Variants in FAM237A observed in about 807,000 individuals in gnomAD.
FAM237A encodes the protein protein FAM237A.
Under a neutral mutation model 12.5 loss-of-function variants are expected in FAM237A, and 14 were observed. The ratio of observed to expected loss-of-function variants is 1.12; its 90% CI spans 0.74 to 1.75. FAM237A has a LOEUF of 1.75. Among genes scored for constraint, FAM237A ranks in the 40% most tolerant of loss-of-function variants. FAM237A has a pLI of 0.00. For missense variants in FAM237A, 240 were observed against 211.7 expected, an observed-to-expected ratio of 1.13 and a Z score of -0.83; for synonymous variants, 85 against 77.5, an observed-to-expected ratio of 1.10 and a Z score of -0.51.
intron 1 of FAM237A, among the ~76,000 whole-genome samples, chr2:206,643,696 G>A (rs963980401): frequency 2.0e-5 from 3 of 151,990 alleles, no homozygotes; most frequent in Admixed American, 6.6e-5. Flanking sequence ...CATACTTTTA[G>A]CACATTGTCT....
intron 1 of FAM237A, chr2:206,643,578 A>T (rs1273086340): frequency 6.6e-6 from 1 of 152,178 alleles, no homozygotes; most frequent in Non-Finnish European, 1.5e-5. Context: ...CATTATCTTT[A>T]TGAAAGTTAT....
chr2:206,648,792 TA>T lies in FAM237A; in HGVS notation c.*1del. On this transcript the variant is annotated frameshift_variant and stop_lost, in exon 3 of 3. Transcript: ENST00000441223. LOFTEE classifies it high-confidence loss of function. ...AGTGAACCTGGAAATAAAGAGAAAA[TA>T]AATTGAACTCGGAGCTAATTCATGC... is the stretch of plus-strand genomic sequence containing the variant. ...GKVNLEIKRK* is the reference protein window; with the variant it reads ...GKVNLEIKRKX 2 of 1,531,652 alleles carry T rather than the reference TA, an allele frequency of 1.3e-6. No homozygotes were observed. The highest frequency in any genetic ancestry group is 1.8e-6 in the Non-Finnish European group (2 of 1,138,106). The allele number at this position is 1,531,652 out of a possible 1,614,324, so 94.9% of individuals were successfully genotyped here. A position where few individuals can be genotyped will look rare whatever the true frequency, so the allele number is the denominator to read the frequency against.
At position 206,644,398 on chromosome 2, in the gene FAM237A, A is replaced by G. The variant is rs371907799; in HGVS notation, c.162A>G (p.Ser54=). The stretch of plus-strand genomic sequence containing the variant: ...ATCCTCAGTGCTGGGAATCCTCCTC[A>G]GTGCTTCTCCTGGAAATGTGGAAAC... ...QADPQCWESS[S]VLLLEMWKPR... is the part of the protein sequence containing the mutation. The change falls in exon 2 of 3, where the codon TCA becomes TCG. Residue 54 remains serine (S), a synonymous_variant. Transcript: ENST00000441223. 5.0e-6 allele frequency: 8 copies of G among 1,613,668 alleles called. No individual in the cohort carries two copies. The African/African-American group carries it at 1.1e-4, about 22-fold the overall frequency.
At chr2:206,647,269 C>T (rs1298150962) in intron 2 of FAM237A, among the ~76,000 whole-genome samples, 1 of 152,032 alleles carries the variant, frequency 6.6e-6, no homozygotes, top group East Asian at 1.9e-4. Context: ...TTCCAATGTA[C>T]TGTGATTCTA....
In FAM237A at chr2:206,642,635, G is replaced by A. The variant is rs1273030345; in HGVS notation, c.-11+53G>A. Reference sequence around the variant, plus strand: ...GTCCCTGGCAGCTCCGCCCTGCGGAGGGTGAGGCTGCGCAATCAAGTGCGG... The same window carrying A: ...GTCCCTGGCAGCTCCGCCCTGCGGAAGGTGAGGCTGCGCAATCAAGTGCGG... On this transcript the variant is annotated intron_variant, in intron 1 of 2. Transcript: ENST00000441223. This position sits in a 1 kb window ranked among gnomAD's most constrained non-coding sequence, Gnocchi z 5.1. 2.0e-5 allele frequency: 3 copies of A among 152,776 alleles called. No homozygotes were observed. Among genetic ancestry groups the A allele is most frequent in the South Asian group, 2.1e-4 (1 of 4,832 alleles). The allele number at this position is 152,776 out of a possible 1,614,324, so 9.5% of individuals were successfully genotyped here. A position where few individuals can be genotyped will look rare whatever the true frequency, so the allele number is the denominator to read the frequency against.
intron 2 of FAM237A, among the ~76,000 whole-genome samples, chr2:206,646,077 C>A (rs545842866): frequency 6.6e-6 from 1 of 151,980 alleles, no homozygotes; most frequent in Admixed American, 6.6e-5. Flanking sequence ...CCAAGGCAGG[C>A]GGAACACGAG....
Position 206,644,234 on chromosome 2 carries a change from G to C in FAM237A, c.-3G>C. Reference sequence around the variant, plus strand: ...TATTTCCATCCTGTGCAGTTTTAGGGCCATGGCTGATCCTGGGAACAGAGG... The same window carrying C: ...TATTTCCATCCTGTGCAGTTTTAGGCCCATGGCTGATCCTGGGAACAGAGG... On this transcript the variant is annotated 5_prime_UTR_variant, in exon 2 of 3. Transcript: ENST00000441223. The C allele has an allele frequency of 6.3e-7, 1 of 1,592,406 alleles. No homozygotes were observed. The highest frequency in any genetic ancestry group is 1.7e-4 in the Middle Eastern group (1 of 5,926).
In FAM237A at chr2:206,644,385, G is replaced by A. The variant is rs1269449706; in HGVS notation, c.149G>A (p.Trp50Ter). 4 of 1,613,614 alleles carry A rather than the reference G, an allele frequency of 2.5e-6. No individual in the cohort carries two copies. The change falls in exon 2 of 3, where the codon TGG (tryptophan) becomes TAG (stop). Residue 50 changes from tryptophan to a stop codon, truncating the protein, a stop_gained. Transcript: ENST00000441223. LOFTEE classifies it high-confidence loss of function. ...CTTAGCCAAGCTGATCCTCAGTGCT[G>A]GGAATCCTCCTCAGTGCTTCTCCTG... ...LALSQADPQC[W>*]ESSSVLLLEM...
chr2:206,645,512 A>G (rs1699307252), intron 2 of FAM237A, among the ~76,000 whole-genome samples: 1 of 152,210 alleles, frequency 6.6e-6, no homozygotes, highest in Admixed American at 6.5e-5. Flanking sequence ...ACTCTTTAGA[A>G]TTATATATAC....
rs1387513342 is a variant in FAM237A, at chr2:206,644,467, C to T, written c.231C>T (p.Ile77=). The T allele has an allele frequency of 2.5e-6, 4 of 1,613,900 alleles. No homozygotes were observed. Among genetic ancestry groups the T allele is most frequent in the South Asian group, 1.1e-5 (1 of 91,044 alleles). Reference sequence around the variant, plus strand: ...TTTCAGGCTTCTGGGATTTTATGATCTACCTGAAGTCATCTGAGAACTTGA... The same window carrying T: ...TTTCAGGCTTCTGGGATTTTATGATTTACCTGAAGTCATCTGAGAACTTGA... ...NTVSGFWDFM[I]YLKSSENLKH... Residue 77 remains isoleucine (I), a synonymous_variant, in exon 2 of 3, where the codon ATC becomes ATT. Transcript: ENST00000441223.
At chr2:206,647,596 A>G (rs757204198) in intron 2 of FAM237A, among the ~76,000 whole-genome samples, 2 of 149,928 alleles carry the variant, frequency 1.3e-5, no homozygotes, top group South Asian at 2.2e-4. Flanking sequence ...GGGTTATGTT[A>G]AGGGAGAAAG....
chr2:206,647,515 G>A (rs1043145310), intron 2 of FAM237A, among the ~76,000 whole-genome samples: 5 of 152,098 alleles, frequency 3.3e-5, no homozygotes, highest in African/African-American at 9.7e-5. Context: ...AATAGCTGAA[G>A]GTTGAAGTAT....
chr2:206,647,760 A>G (rs890500000), intron 2 of FAM237A, among the ~76,000 whole-genome samples: 1 of 152,112 alleles, frequency 6.6e-6, no homozygotes, highest in Non-Finnish European at 1.5e-5. Flanking sequence ...AAAGGCTTCA[A>G]TGCAAATGAA....
At position 206,644,446 on chromosome 2, in the gene FAM237A, A is replaced by G. The variant is rs774364459; in HGVS notation, c.210A>G (p.Ser70=). The G allele has an allele frequency of 3.7e-6, 6 of 1,613,942 alleles. No homozygotes were observed. In the African/African-American group the frequency reaches 5.3e-5, roughly 14 times the overall value. The change falls in exon 2 of 3, where the codon TCA becomes TCG. Residue 70 remains serine (S), a synonymous_variant. Transcript: ENST00000441223. ...AACCTCGCGTTTCCAACACTGTTTC[A>G]GGCTTCTGGGATTTTATGATCTACC... ...MWKPRVSNTV[S]GFWDFMIYLK...
chr2:206,648,693 C>G lies in FAM237A; in HGVS notation c.445C>G (p.Leu149Val). The G allele has an allele frequency of 5.0e-6, 8 of 1,593,498 alleles. No homozygotes were observed. The highest frequency in any genetic ancestry group is 6.0e-6 in the Non-Finnish European group (7 of 1,169,276). Residue 149 changes from leucine to valine, a missense_variant, in exon 3 of 3, where the codon CTA becomes GTA. Leu to Val is a conservative substitution (Grantham distance 32). Coordinates refer to ENST00000441223, the MANE Select transcript of FAM237A (RefSeq NM_001102659.3). The part of the protein sequence containing the change: ...TYSQLLRTSF[L>V]KKKELIEDLI... The stretch of plus-strand genomic sequence containing the variant: ...TTCTCAGCTCCTAAGGACCTCCTTC[C>G]TAAAGAAGAAAGAGTTGATTGAAGA...
At chr2:206,644,199 T>C (rs769939286) in intron 1 of FAM237A, 28 bp from the exon 2 acceptor site, 1 of 1,536,486 alleles carries the variant, frequency 6.5e-7, no homozygotes, top group African/African-American at 1.4e-5. Context: ...AAGCGGGGAC[T>C]GATAAGAAAT....
intron 2 of FAM237A, 33 bp from the exon 3 acceptor site, chr2:206,648,628 T>TTATGAA: frequency 1.3e-6 from 2 of 1,559,384 alleles, no homozygotes; most frequent in Non-Finnish European, 1.7e-6. Context: ...ACTAATTTGG[T>TTATGAA]GATCTTATGA....
chr2:206,647,574 C>G (rs1276426182), intron 2 of FAM237A, among the ~76,000 whole-genome samples: 1 of 151,208 alleles, frequency 6.6e-6, no homozygotes, highest in Non-Finnish European at 1.5e-5. Context: ...TAGTTAACCA[C>G]TAAATTTTGA....
In FAM237A at chr2:206,644,530, C is replaced by A. The variant is rs367662979; in HGVS notation, c.294C>A (p.Phe98Leu). The A allele has an allele frequency of 6.2e-7, 1 of 1,614,028 alleles. No homozygotes were observed. The highest frequency in any genetic ancestry group is 8.5e-7 in the Non-Finnish European group (1 of 1,179,894). ...TGTTTTGGGATCTGGCCCAACTCTT[C>A]TGGGACATCTATGTGGACTGTGTGC... Reference protein sequence around the residue: ...GALFWDLAQLFWDIYVDCVLS... With the variant: ...GALFWDLAQLLWDIYVDCVLS... The change falls in exon 2 of 3, where the codon TTC becomes TTA. Residue 98 changes from phenylalanine (F) to leucine (L), a missense_variant. Transcript: ENST00000441223.
Sources: gnomAD v4.1 joint callset for allele counts (sites outside exome capture counted in the v4.1 genomes callset) on GRCh38, gnomAD v4.1.1 for gene constraint, Gnocchi (gnomAD v3.1) non-coding constraint, MANE v1.5 for transcripts, NCBI Gene and HGNC (gene_info 2026-07-23, HGNC 2026-07-21) for gene names.